The following RAET1G variants were observed in gnomAD, a reference collection of about 807,000 sequenced individuals.
RAET1G encodes the protein retinoic acid early transcript 1G.
Under a neutral mutation model 29.5 loss-of-function variants are expected in RAET1G, and 25 were observed. That is an observed-to-expected ratio of 0.85 (90% CI 0.62 to 1.18). The LOEUF (loss-of-function observed/expected upper bound fraction) is 1.18. Ranked by LOEUF, RAET1G falls within the 50% of genes most tolerant of loss-of-function variation. The pLI, the probability that RAET1G is intolerant of heterozygous loss-of-function variation, is 0.00. For synonymous variants in RAET1G, 167 were observed against 159.5 expected (o/e 1.05, Z -0.36); for missense variants, 434 against 423.6 (o/e 1.02, Z -0.22).
intron 3 of RAET1G, chr6:149,918,669 G>A (rs749371867): frequency 1.5e-5 from 9 of 599,578 alleles, no homozygotes; most frequent in Non-Finnish European, 2.7e-5. Context: ...GGAGGGTCAC[G>A]AGGCTGGCCT....
At chr6:149,918,622 T>C (rs1778510781) in intron 3 of RAET1G, 2 of 621,552 alleles carry the variant, frequency 3.2e-6, no homozygotes, top group South Asian at 2.0e-5. Context: ...CCTCCTGCTG[T>C]GGCGGAAGAG....
intron 3 of RAET1G, 132 bp downstream of exon 3, chr6:149,918,911 A>T (rs1306581882): frequency 6.9e-7 from 1 of 1,453,384 alleles, no homozygotes; most frequent in African/African-American, 1.4e-5. Flanking sequence ...CCCCAGGAGG[A>T]GCACCCCACG....
chr6:149,922,037 G>A (rs1778609981), intron 1 of RAET1G, among the ~76,000 whole-genome samples: 4 of 152,178 alleles, frequency 2.6e-5, no homozygotes, highest in Admixed American at 2.6e-4. Context: ...GAAAGGGTTT[G>A]CTGACCCCTG....
In RAET1G at chr6:149,922,935, C is replaced by A; in HGVS notation, c.76G>T (p.Gly26Trp). Reference sequence around the variant, plus strand: ...CCATCCCCGAACTCACCGGCCAGCCCGGTCCTGCACCAGCTGGACAGCAGG... The same window carrying A: ...CCATCCCCGAACTCACCGGCCAGCCAGGTCCTGCACCAGCTGGACAGCAGG... The part of the protein sequence containing the change: ...LLLLSSWCRT[G>W]LADPHSLCYD... The change falls in exon 1 of 5, where the codon GGG becomes TGG. Residue 26 changes from glycine (G) to tryptophan (W), a missense_variant. By Grantham distance (184) the Gly-to-Trp change is radical (BLOSUM62 -2). Coordinates refer to ENST00000367360, the MANE Select transcript of RAET1G (RefSeq NM_001001788.4). The A allele has an allele frequency of 6.3e-7, 1 of 1,594,588 alleles. No individual in the cohort carries two copies. Among genetic ancestry groups the A allele is most frequent in the Non-Finnish European group, 8.5e-7 (1 of 1,171,454 alleles).
intron 1 of RAET1G, among the ~76,000 whole-genome samples, chr6:149,922,065 C>A (rs1460128543): frequency 2.6e-5 from 4 of 152,182 alleles, no homozygotes; most frequent in Non-Finnish European, 4.4e-5. Context: ...ACTGACTATT[C>A]TCTATGATGC....
At chr6:149,921,280 C>T (rs1778594544) in intron 1 of RAET1G, among the ~76,000 whole-genome samples, 1 of 152,204 alleles carries the variant, frequency 6.6e-6, no homozygotes, top group South Asian at 2.1e-4. Flanking sequence ...GTTCCAATGT[C>T]TAATTGGAGA....
In RAET1G at chr6:149,918,356, G is replaced by A. The variant is rs768875278; in HGVS notation, c.660C>T (p.Ala220=). 2.5e-6 allele frequency: 4 copies of A among 1,614,100 alleles called. No individual in the cohort carries two copies. The highest frequency in any genetic ancestry group is 3.4e-6 in the Non-Finnish European group (4 of 1,179,986). The part of the protein sequence containing the change: ...GAPPTMSSGT[A]QPRATATTLI... Reference sequence around the variant, plus strand: ...GGGTGGTGGCCGTGGCCCTGGGTTGGGCTGTGCCTGAGGACATGGTGGGTG... The same window carrying A: ...GGGTGGTGGCCGTGGCCCTGGGTTGAGCTGTGCCTGAGGACATGGTGGGTG... The change falls in exon 4 of 5, where the codon GCC becomes GCT. Residue 220 remains alanine, a synonymous_variant. Coordinates refer to ENST00000367360, the MANE Select transcript of RAET1G (RefSeq NM_001001788.4).
chr6:149,918,839 G>A (rs1778518935), intron 3 of RAET1G: 2 of 754,694 alleles, frequency 2.7e-6, no homozygotes, highest in Non-Finnish European at 4.2e-6. Flanking sequence ...CAAGTGCAGT[G>A]AGGAAGAGGA....
Position 149,918,372 on chromosome 6 carries a change from A to G in RAET1G, c.644T>C (p.Met215Thr). The change falls in exon 4 of 5, where the codon ATG becomes ACG. Residue 215 changes from methionine to threonine, a missense_variant. Met to Thr is a moderately conservative substitution (Grantham distance 81). Transcript: ENST00000367360. ...LEPSAGAPPT[M>T]SSGTAQPRAT... ...CCTGGGTTGGGCTGTGCCTGAGGAC[A>G]TGGTGGGTGGTGCTGAAATGGAAGC... 6.2e-7 allele frequency: 1 copy of G among 1,614,120 alleles called. No individual in the cohort carries two copies. The highest frequency in any genetic ancestry group is 8.5e-7 in the Non-Finnish European group (1 of 1,179,978).
chr6:149,918,559 C>T (rs756243162), intron 3 of RAET1G, 175 bp from the exon 4 acceptor site: 3 of 731,756 alleles, frequency 4.1e-6, no homozygotes, highest in Non-Finnish European at 6.9e-6. Context: ...TGTCCCTTGG[C>T]CTCAGGGAGC....
rs1401912477 is a variant in RAET1G at position 149,919,208 on chromosome 6, TGTTTTCTGAGTCAAAGAGGAG to T, written c.445_465del (p.Leu149_Asn155del). On this transcript the variant is annotated inframe_deletion, in exon 3 of 5. Coordinates refer to ENST00000367360, the MANE Select transcript of RAET1G (RefSeq NM_001001788.4). ...CCAGGATGAACCGTTGTCCACATTCTGTTTTCTGAGTCAAAGAGGAGGAAGATCTGTCCATCGAAACTGAGC... is the reference window on the plus strand; with the variant it reads ...CCAGGATGAACCGTTGTCCACATTCTGAAGATCTGTCCATCGAAACTGAGC... 4.3e-6 allele frequency: 7 copies of T among 1,614,242 alleles called. No homozygotes were observed. Among genetic ancestry groups the T allele is most frequent in the Non-Finnish European group, 5.9e-6 (7 of 1,180,048 alleles).
intron 4 of RAET1G, among the ~76,000 whole-genome samples, 197 bp from the exon 5 acceptor site, chr6:149,917,271 G>A (rs1778465931): frequency 6.6e-6 from 1 of 152,238 alleles, no homozygotes; most frequent in Non-Finnish European, 1.5e-5. Flanking sequence ...GGATGGCTGC[G>A]GGCAGGCTTG....
At chr6:149,918,729 A>G (rs573285900) in intron 3 of RAET1G, 203 of 600,552 alleles carry the variant, frequency 3.4e-4, no homozygotes, top group Non-Finnish European at 4.7e-4. Flanking sequence ...GAGGAAAGGA[A>G]AAGTGATTCT....
chr6:149,922,545 T>C (rs1426429462), intron 1 of RAET1G, among the ~76,000 whole-genome samples: 3 of 152,096 alleles, frequency 2.0e-5, no homozygotes, highest in Non-Finnish European at 4.4e-5. Flanking sequence ...TCTGTGATTG[T>C]GTCCCTGTGC....
intron 1 of RAET1G, among the ~76,000 whole-genome samples, chr6:149,920,235 T>C (rs1199961377): frequency 6.6e-6 from 1 of 152,122 alleles, no homozygotes; most frequent in Non-Finnish European, 1.5e-5. Context: ...GGAGTGAGGA[T>C]GGAACCCAGT....
At chr6:149,917,773 T>C (rs1778481980) in intron 4 of RAET1G, among the ~76,000 whole-genome samples, 1 of 152,144 alleles carries the variant, frequency 6.6e-6, no homozygotes, top group South Asian at 2.1e-4. Context: ...CCCCCTTCCC[T>C]TGTCATACCT....
Position 149,923,067 on chromosome 6 carries a change from G to T in RAET1G, c.-57C>A. On this transcript the variant is annotated 5_prime_UTR_variant, in exon 1 of 5. Coordinates refer to ENST00000367360, the MANE Select transcript of RAET1G (RefSeq NM_001001788.4). ...CGAAGCCCAGCCCGTGGATCACCTG[G>T]CGGCTCGCAGGCTGTCTGAATGCAG... 6 of 1,316,378 alleles carry T rather than the reference G, an allele frequency of 4.6e-6. No homozygotes were observed. The highest frequency in any genetic ancestry group is 6.4e-6 in the Non-Finnish European group (6 of 944,334). The allele number at this position is 1,316,378 out of a possible 1,614,324, so 81.5% of individuals were successfully genotyped here.
At position 149,922,976 on chromosome 6, in the gene RAET1G, C is replaced by G; in HGVS notation, c.35G>C (p.Arg12Pro). 1 of 1,606,048 alleles carries G rather than the reference C, an allele frequency of 6.2e-7. No individual in the cohort carries two copies. The highest frequency in any genetic ancestry group is 8.5e-7 in the Non-Finnish European group (1 of 1,176,934). ...GGACAGCAGGAGCAGAAGCGGGAGG[C>G]GTAGAAGGAACGCGGGGCTGGCGGC... ...AAAASPAFLL[R>P]LPLLLLLSSW... The change falls in exon 1 of 5, where the codon CGC (arginine) becomes CCC (proline). Residue 12 changes from arginine to proline, a missense_variant. By Grantham distance (103) the Arg-to-Pro change is moderately radical (BLOSUM62 -2). Coordinates refer to ENST00000367360, the MANE Select transcript of RAET1G (RefSeq NM_001001788.4).
intron 1 of RAET1G, among the ~76,000 whole-genome samples, chr6:149,921,018 C>G (rs774173147): frequency 3.9e-5 from 6 of 152,204 alleles, no homozygotes; most frequent in Non-Finnish European, 8.8e-5. Context: ...GAGGAAGGAC[C>G]CTTTAACCCC....
Sources: gnomAD v4.1 joint callset for allele counts (sites outside exome capture counted in the v4.1 genomes callset) on GRCh38, gnomAD v4.1.1 for gene constraint, MANE v1.5 for transcripts, NCBI Gene and HGNC (gene_info 2026-07-23, HGNC 2026-07-21) for gene names.